The following ZBTB20 variants were observed in gnomAD, a reference collection of about 807,000 sequenced individuals.
ZBTB20 encodes the protein zinc finger and BTB domain containing 20.
A neutral mutation model predicts 56.9 loss-of-function variants in ZBTB20; 9 were observed. That is an observed-to-expected ratio of 0.16 (90% CI 0.10 to 0.28). ZBTB20 has a LOEUF of 0.28. Among genes scored for constraint, ZBTB20 ranks in the 10% least tolerant of loss-of-function variants. The probability of loss-of-function intolerance (pLI) is 1.00; values close to 1 mark genes in which losing one functional copy is unlikely to be tolerated. For synonymous variants in ZBTB20, 417 were observed against 420.7 expected (o/e 0.99, Z 0.11); for missense variants, 655 against 1,003.0 (o/e 0.65, Z 4.69).
intron 3 of ZBTB20, among the ~76,000 whole-genome samples, chr3:114,973,437 G>A (rs1019579325): frequency 1.3e-5 from 2 of 152,086 alleles, no homozygotes; most frequent in Non-Finnish European, 2.9e-5. Context: ...TTGGTGCCTC[G>A]ATCTTGGGGC....
At chr3:114,755,029 T>A (rs1462861001) in intron 5 of ZBTB20, among the ~76,000 whole-genome samples, 1 of 152,146 alleles carries the variant, frequency 6.6e-6, no homozygotes, top group Non-Finnish European at 1.5e-5. Flanking sequence ...AAACTGCAGA[T>A]CCAGGCTACA....
In ZBTB20 at chr3:114,716,093, G is replaced by A. The variant is rs571787438; in HGVS notation, c.-342-22518C>T. On this transcript the variant is annotated intron_variant, in intron 5 of 11. Transcript: ENST00000675478. Reference sequence around the variant, plus strand: ...CACAACAGGATGATAATCTCTCTCCGTTCTCCTAAATCCACAATCCATTCC... The same window carrying A: ...CACAACAGGATGATAATCTCTCTCCATTCTCCTAAATCCACAATCCATTCC... Among the ~76,000 whole-genome samples the A allele has an allele frequency of 7.2e-5, 11 of 152,168 alleles. No homozygotes were observed. The South Asian group carries it at 1.7e-3, about 23-fold the overall frequency.
chr3:114,433,651 C>T (rs2090287379), intron 7 of ZBTB20, among the ~76,000 whole-genome samples: 1 of 152,116 alleles, frequency 6.6e-6, no homozygotes, highest in South Asian at 2.1e-4. Context: ...GAGGGGGATA[C>T]AACTGTGTGT....
chr3:114,722,989 G>A lies in ZBTB20; in HGVS notation c.-342-29414C>T, dbSNP rs934381789. ...TCTAAAGTCCAGGGCAGGATTAATC[G>A]AAACGTAGCTCTTTATCATTCCTAT... On this transcript the variant is annotated intron_variant, in intron 5 of 11. Coordinates refer to ENST00000675478, the MANE Select transcript of ZBTB20 (RefSeq NM_001348800.3). Among the ~76,000 whole-genome samples, 23 of 152,130 alleles carry A rather than the reference G, an allele frequency of 1.5e-4. No homozygotes were observed. In the East Asian group the frequency reaches 3.7e-3, roughly 24 times the overall value.
chr3:114,695,648 GA>G (rs1337692034), intron 5 of ZBTB20, among the ~76,000 whole-genome samples: 1 of 151,496 alleles, frequency 6.6e-6, no homozygotes, highest in Non-Finnish European at 1.5e-5. Context: ...CAACCCATTT[GA>G]AAATTAGGGT....
At chr3:115,088,342 T>C (rs1330505216) in intron 1 of ZBTB20, among the ~76,000 whole-genome samples, 1 of 151,854 alleles carries the variant, frequency 6.6e-6, no homozygotes, top group Non-Finnish European at 1.5e-5. Flanking sequence ...AATTGAAATA[T>C]AACCCCAAAT....
At chr3:114,666,566 T>A (rs2061065863) in intron 6 of ZBTB20, among the ~76,000 whole-genome samples, 1 of 152,034 alleles carries the variant, frequency 6.6e-6, no homozygotes, top group Non-Finnish European at 1.5e-5. Flanking sequence ...TTGAAAATCA[T>A]GGTTCAGTTA....
intron 7 of ZBTB20, among the ~76,000 whole-genome samples, chr3:114,497,491 T>A (rs1004286830): frequency 6.6e-6 from 1 of 152,350 alleles, no homozygotes. Context: ...ATTTTGTAAA[T>A]GCTCTTACAT....
intron 7 of ZBTB20, among the ~76,000 whole-genome samples, chr3:114,424,700 T>C (rs1402317930): frequency 6.6e-6 from 1 of 152,134 alleles, no homozygotes; most frequent in Non-Finnish European, 1.5e-5. Flanking sequence ...CAGTTGTAGT[T>C]TGCATGGGCT....
intron 5 of ZBTB20, among the ~76,000 whole-genome samples, chr3:114,776,699 A>G (rs1218696825): frequency 1.3e-5 from 2 of 152,230 alleles, no homozygotes; most frequent in Non-Finnish European, 2.9e-5. Context: ...TCCATTGTTC[A>G]GAGCATTTGT....
chr3:114,921,922 A>G (rs2075975962), intron 3 of ZBTB20, among the ~76,000 whole-genome samples: 2 of 152,310 alleles, frequency 1.3e-5, no homozygotes, highest in South Asian at 4.1e-4. Flanking sequence ...ACAGAGCAAT[A>G]TCTTAGATGA....
At chr3:114,346,933 A>G (rs3110392) in intron 11 of ZBTB20, among the ~76,000 whole-genome samples, 2 of 151,734 alleles carry the variant, frequency 1.3e-5, no homozygotes, top group African/African-American at 4.8e-5. Context: ...TGATCCACCC[A>G]CCTTTACCTC....
intron 4 of ZBTB20, among the ~76,000 whole-genome samples, chr3:114,861,605 G>A (rs1283155110): frequency 6.6e-6 from 1 of 151,706 alleles, no homozygotes; most frequent in African/African-American, 2.4e-5. Flanking sequence ...CTGTTGCTGT[G>A]GGGCATTTAT....
chr3:114,981,690 CAATGTGTA>C (rs528088153), intron 2 of ZBTB20, among the ~76,000 whole-genome samples: 1 of 152,116 alleles, frequency 6.6e-6, no homozygotes, highest in Non-Finnish European at 1.5e-5. Context: ...CCCACTTTAT[CAATGTGTA>C]AACTAAGGAA....
Position 114,338,895 on chromosome 3 carries a change from A to C in ZBTB20, c.*110T>G. 7.7e-7 allele frequency: 1 copy of C among 1,306,958 alleles called. No homozygotes were observed. The highest frequency in any genetic ancestry group is 1.0e-6 in the Non-Finnish European group (1 of 974,564). 81.0% of individuals were successfully genotyped at this position (1,306,958 alleles called of 1,614,324 possible). A position where few individuals can be genotyped will look rare whatever the true frequency, so the allele number is the denominator to read the frequency against. On this transcript the variant is annotated 3_prime_UTR_variant, in exon 12 of 12. Coordinates refer to ENST00000675478, the MANE Select transcript of ZBTB20 (RefSeq NM_001348800.3). ...AAACGAAACAAAAACAAAAACAGAAAGTAAAAATGAAACCAAAACATTTCT... is the reference window on the plus strand; with the variant it reads ...AAACGAAACAAAAACAAAAACAGAACGTAAAAATGAAACCAAAACATTTCT...
At chr3:114,905,290 T>C (rs757967827) in intron 3 of ZBTB20, among the ~76,000 whole-genome samples, 4 of 152,086 alleles carry the variant, frequency 2.6e-5, no homozygotes, top group Non-Finnish European at 4.4e-5. Flanking sequence ...CTTGAAGTTA[T>C]GGCTATTGAA....
At chr3:114,962,977 G>A (rs2077510649) in intron 3 of ZBTB20, among the ~76,000 whole-genome samples, 1 of 151,980 alleles carries the variant, frequency 6.6e-6, no homozygotes, top group South Asian at 2.1e-4. Context: ...AATTATTTAA[G>A]CCTAGTTTTT....
At chr3:114,580,965 G>A (rs1165509411) in intron 6 of ZBTB20, among the ~76,000 whole-genome samples, 2 of 151,784 alleles carry the variant, frequency 1.3e-5, no homozygotes, top group Non-Finnish European at 3.0e-5. Flanking sequence ...ATATTGAATA[G>A]CAAAAGACCA....
rs1452492149 is a variant in ZBTB20 at position 114,318,211 on chromosome 3, T to C, written c.*20794A>G. The C allele has an allele frequency of 1.3e-5, 2 of 152,228 alleles. No individual in the cohort carries two copies. The highest frequency in any genetic ancestry group is 2.9e-5 in the Non-Finnish European group (2 of 68,040). The allele number at this position is 152,228 out of a possible 1,614,324, so 9.4% of individuals were successfully genotyped here. A position where few individuals can be genotyped will look rare whatever the true frequency, so the allele number is the denominator to read the frequency against. On this transcript the variant is annotated 3_prime_UTR_variant, in exon 12 of 12. Transcript: ENST00000675478. ...TCCATCTTCACAGTGAGCAGATGGA[T>C]GGATAATCCACAGAGTCAAAGAGGA...
Sources: allele counts gnomAD v4.1 joint callset (sites outside exome capture counted in the v4.1 genomes callset), GRCh38; gene constraint gnomAD v4.1.1; transcripts MANE v1.5; gene names NCBI Gene and HGNC (gene_info 2026-07-23, HGNC 2026-07-21).